The following NOL4 variants were observed in gnomAD, a reference collection of about 807,000 sequenced individuals.
NOL4 encodes cancer/testis antigen 125.
Under a neutral mutation model 75.9 loss-of-function variants are expected in NOL4, and 17 were observed. That is an observed-to-expected ratio of 0.22 (90% CI 0.15 to 0.34). NOL4 has a LOEUF of 0.34. Among genes scored for constraint, NOL4 ranks in the 10% least tolerant of loss-of-function variants. NOL4 has a pLI of 1.00. For synonymous variants in NOL4, 292 were observed against 289.9 expected, an observed-to-expected ratio of 1.01 and a Z score of -0.07; for missense variants, 614 against 793.5, an observed-to-expected ratio of 0.77 and a Z score of 2.72.
At chr18:34,151,256 C>T (rs1286937686) in intron 1 of NOL4, among the ~76,000 whole-genome samples, 9 of 151,858 alleles carry the variant, frequency 5.9e-5, no homozygotes, top group Non-Finnish European at 8.8e-5. Flanking sequence ...AGAACACCTA[C>T]ACACAGATGT....
chr18:34,022,943 C>T (rs897964365), intron 5 of NOL4, among the ~76,000 whole-genome samples: 4 of 151,822 alleles, frequency 2.6e-5, no homozygotes, highest in African/African-American at 7.3e-5. Context: ...TTAATAAGTG[C>T]CTTGTTTTTA....
chr18:34,178,617 G>T (rs1215919462), intron 1 of NOL4, among the ~76,000 whole-genome samples: 2 of 151,640 alleles, frequency 1.3e-5, no homozygotes, highest in African/African-American at 2.4e-5. Flanking sequence ...AAAAAGGACA[G>T]TTTTTCATGA....
intron 9 of NOL4, among the ~76,000 whole-genome samples, chr18:33,940,192 C>T (rs2068369365): frequency 6.6e-6 from 1 of 151,914 alleles, no homozygotes; most frequent in Admixed American, 6.6e-5. Context: ...CCCAGCAATC[C>T]CATTATTGGG....
At chr18:33,990,506 A>C (rs139137428) in intron 6 of NOL4, among the ~76,000 whole-genome samples, 6 of 152,078 alleles carry the variant, frequency 3.9e-5, no homozygotes, top group Non-Finnish European at 5.9e-5. Context: ...TTATTTGTGC[A>C]GTTTGTCGAT....
intron 8 of NOL4, among the ~76,000 whole-genome samples, chr18:33,946,046 G>A (rs1190798256): frequency 6.6e-6 from 1 of 151,520 alleles, no homozygotes; most frequent in Non-Finnish European, 1.5e-5. Flanking sequence ...TAAAAAATCT[G>A]TATATACAAA....
chr18:34,090,527 A>G (rs754093551), intron 5 of NOL4, among the ~76,000 whole-genome samples: 5 of 152,104 alleles, frequency 3.3e-5, no homozygotes, highest in African/African-American at 7.2e-5. Flanking sequence ...GGAAAGCAAC[A>G]TGGTTAGATG....
chr18:33,921,810 A>G (rs1232546818), intron 9 of NOL4, among the ~76,000 whole-genome samples: 3 of 152,180 alleles, frequency 2.0e-5, no homozygotes, highest in Admixed American at 6.5e-5. Context: ...AGTAATGTCC[A>G]CTGTAGTGAA....
intron 6 of NOL4, among the ~76,000 whole-genome samples, chr18:34,017,554 T>C (rs564791865): frequency 7.2e-5 from 11 of 152,316 alleles, no homozygotes; most frequent in African/African-American, 2.6e-4. Context: ...TCTCTAGATG[T>C]ATTTGTCCTT....
chr18:33,911,354 CTT>C (rs1163377629), intron 9 of NOL4, among the ~76,000 whole-genome samples: 1 of 151,984 alleles, frequency 6.6e-6, no homozygotes, highest in Non-Finnish European at 1.5e-5. Flanking sequence ...TGCTTTTTCT[CTT>C]TCTCTAACTC....
At chr18:33,969,814 G>T (rs563650143) in intron 6 of NOL4, among the ~76,000 whole-genome samples, 1 of 148,974 alleles carries the variant, frequency 6.7e-6, no homozygotes, top group East Asian at 2.0e-4. Flanking sequence ...CCATGAAATT[G>T]TCATTTAAAA....
At chr18:33,855,213 C>T (rs2062786695) in intron 10 of NOL4, among the ~76,000 whole-genome samples, 1 of 151,938 alleles carries the variant, frequency 6.6e-6, no homozygotes, top group East Asian at 1.9e-4. Flanking sequence ...AAAATATTTG[C>T]AAATAAACAA....
At chr18:34,003,268 T>C (rs1005638921) in intron 6 of NOL4, among the ~76,000 whole-genome samples, 3 of 152,096 alleles carry the variant, frequency 2.0e-5, no homozygotes, top group African/African-American at 7.2e-5. Flanking sequence ...ATTGTATGTG[T>C]TTTATTATAA....
chr18:34,083,838 T>C (rs1007346091), intron 5 of NOL4, among the ~76,000 whole-genome samples: 10 of 152,156 alleles, frequency 6.6e-5, no homozygotes, highest in Non-Finnish European at 1.0e-4. Context: ...AAGTAAGATA[T>C]AAAAAAGACA....
chr18:34,010,211 A>G (rs944858349), intron 6 of NOL4, among the ~76,000 whole-genome samples: 1 of 151,922 alleles, frequency 6.6e-6, no homozygotes, highest in African/African-American at 2.4e-5. Context: ...CCATGATTTC[A>G]AATGTTTTAA....
At chr18:33,932,571 G>C (rs2067770499) in intron 9 of NOL4, among the ~76,000 whole-genome samples, 2 of 151,804 alleles carry the variant, frequency 1.3e-5, no homozygotes, top group South Asian at 4.2e-4. Flanking sequence ...AATTATGATA[G>C]AAAAAAAGTA....
chr18:34,137,234 G>A (rs991679784), intron 1 of NOL4, among the ~76,000 whole-genome samples: 7 of 152,026 alleles, frequency 4.6e-5, no homozygotes, highest in African/African-American at 1.2e-4. Flanking sequence ...CTTGGGTAAC[G>A]CAAAGTCCTC....
intron 9 of NOL4, among the ~76,000 whole-genome samples, chr18:33,887,023 ATATC>A (rs1317460366): frequency 4.3e-5 from 6 of 140,260 alleles, no homozygotes; most frequent in Non-Finnish European, 7.6e-5. Flanking sequence ...ATATATCTAT[ATATC>A]TAGATATATT....
chr18:33,905,579 T>C (rs1193645988), intron 9 of NOL4, among the ~76,000 whole-genome samples: 1 of 152,192 alleles, frequency 6.6e-6, no homozygotes, highest in Non-Finnish European at 1.5e-5. Context: ...TTAGGATTTC[T>C]CAGTCTATTG....
chr18:34,113,760 A>G (rs1471418661), intron 2 of NOL4, among the ~76,000 whole-genome samples: 1 of 152,196 alleles, frequency 6.6e-6, no homozygotes, highest in Non-Finnish European at 1.5e-5. Context: ...TTCTGTGGGC[A>G]TCTTTATTTA....
Sources: gnomAD v4.1 joint callset for allele counts (sites outside exome capture counted in the v4.1 genomes callset) on GRCh38, gnomAD v4.1.1 for gene constraint, MANE v1.5 for transcripts, NCBI Gene and HGNC (gene_info 2026-07-23, HGNC 2026-07-21) for gene names.